LRRC49: variants seen among roughly 807,000 people sequenced by gnomAD.
The protein encoded by LRRC49 is leucine rich repeat containing 49.
Under a neutral mutation model 83.3 loss-of-function variants are expected in LRRC49, and 50 were observed. The observed-to-expected ratio is 0.60, with a 90% confidence interval of 0.48 to 0.76. The LOEUF (loss-of-function observed/expected upper bound fraction) is 0.76. Ranked by LOEUF, LRRC49 falls within the 30% of genes least tolerant of loss-of-function variation. LRRC49 has a pLI of 0.00. For missense variants in LRRC49, 704 were observed against 809.1 expected (o/e 0.87, Z 1.58); for synonymous variants, 286 against 283.3 (o/e 1.01, Z -0.10).
intron 15 of LRRC49, among the ~76,000 whole-genome samples, chr15:71,041,921 G>A (rs1412630575): frequency 6.6e-6 from 1 of 152,158 alleles, no homozygotes; most frequent in Non-Finnish European, 1.5e-5. Flanking sequence ...AAATGATACT[G>A]AGGAAATGGG....
chr15:70,932,828 C>G (rs1263323821), intron 7 of LRRC49, among the ~76,000 whole-genome samples: 2 of 144,736 alleles, frequency 1.4e-5, no homozygotes, highest in African/African-American at 5.1e-5. Flanking sequence ...CTCCCTCGTT[C>G]AAACAATTCT....
intron 14 of LRRC49, among the ~76,000 whole-genome samples, chr15:71,028,781 AGTG>A (rs1479304892): frequency 1.3e-5 from 2 of 152,070 alleles, no homozygotes; most frequent in African/African-American, 4.8e-5. Flanking sequence ...CTGTGGGATC[AGTG>A]GTGAACTCCC....
upstream of LRRC49, among the ~76,000 whole-genome samples, chr15:70,891,565 CTCTG>C (rs1186794688): frequency 7.6e-5 from 9 of 118,954 alleles, no homozygotes; most frequent in South Asian, 6.0e-4. Flanking sequence ...CAGGACAAGA[CTCTG>C]TGTGTGTGTG....
At chr15:71,027,578 T>G (rs576664665) in intron 14 of LRRC49, among the ~76,000 whole-genome samples, 36 of 152,364 alleles carry the variant, frequency 2.4e-4, no homozygotes, top group African/African-American at 8.7e-4. Context: ...TCCATGAGCA[T>G]GGAATATTTT....
intron 3 of LRRC49, among the ~76,000 whole-genome samples, 180 bp from the exon 4 acceptor site, chr15:70,900,742 G>C (rs2034037707): frequency 6.6e-6 from 1 of 152,144 alleles, no homozygotes. Context: ...CATAGTTTAG[G>C]TTTAAGAAGG....
chr15:70,891,945 C>T, upstream of LRRC49: 4 of 1,613,678 alleles, frequency 2.5e-6, no homozygotes, highest in Non-Finnish European at 3.4e-6. Context: ...CCTCGCGTGT[C>T]CAGGCGGCCT....
At chr15:71,042,687 G>C (rs947411952) in intron 15 of LRRC49, among the ~76,000 whole-genome samples, 5 of 152,138 alleles carry the variant, frequency 3.3e-5, no homozygotes, top group African/African-American at 1.2e-4. Context: ...TCACAAATCA[G>C]GTTAAGCAGA....
intron 2 of LRRC49, among the ~76,000 whole-genome samples, chr15:70,875,261 A>G (rs1011569509): frequency 6.6e-6 from 1 of 152,208 alleles, no homozygotes; most frequent in African/African-American, 2.4e-5. Context: ...ATGAACTTAG[A>G]AAACATCCAG....
At chr15:71,016,703 A>G (rs538809898) in intron 14 of LRRC49, among the ~76,000 whole-genome samples, 50 of 152,242 alleles carry the variant, frequency 3.3e-4, no homozygotes, top group Middle Eastern at 3.4e-3. Flanking sequence ...CATACCAATA[A>G]TAAGCTGTTG....
rs1024534514 is a variant in LRRC49 at position 71,052,314 on chromosome 15, C to T, written c.*2702C>T. On this transcript the variant is annotated 3_prime_UTR_variant, in exon 16 of 16. Coordinates refer to ENST00000260382, the MANE Select transcript of LRRC49 (RefSeq NM_017691.5). The stretch of plus-strand genomic sequence containing the variant: ...CGCAGAAACACTATTGCATTTGCCT[C>T]AAAAGCAGAAACATTTAGTACCCCC... The T allele has an allele frequency of 2.0e-5, 3 of 152,194 alleles. No individual in the cohort carries two copies. The highest frequency in any genetic ancestry group is 4.4e-5 in the Non-Finnish European group (3 of 68,050). The allele number at this position is 152,194 out of a possible 1,614,324, so 9.4% of individuals were successfully genotyped here.
chr15:71,009,275 A>C (rs935279426), intron 12 of LRRC49, among the ~76,000 whole-genome samples: 2 of 151,892 alleles, frequency 1.3e-5, no homozygotes, highest in African/African-American at 4.8e-5. Context: ...ATCTAGATTC[A>C]CAGACAGAAT....
chr15:71,020,662 T>C (rs1165475233), intron 14 of LRRC49, among the ~76,000 whole-genome samples: 1 of 152,184 alleles, frequency 6.6e-6, no homozygotes, highest in African/African-American at 2.4e-5. Context: ...GGATAATGAA[T>C]GATATGTTCA....
chr15:70,944,377 A>G (rs942243796), intron 8 of LRRC49, among the ~76,000 whole-genome samples: 3 of 152,148 alleles, frequency 2.0e-5, no homozygotes, highest in Non-Finnish European at 4.4e-5. Context: ...GTAAACACAT[A>G]GTTCTTAGAG....
intron 11 of LRRC49, among the ~76,000 whole-genome samples, chr15:70,988,905 T>C (rs1452165550): frequency 6.6e-6 from 1 of 152,224 alleles, no homozygotes; most frequent in East Asian, 1.9e-4. Flanking sequence ...AAGCTTAGTT[T>C]GGCTGTATAT....
chr15:70,873,258 T>C lies in LRRC49; in HGVS notation c.18+35T>C. The C allele has an allele frequency of 4.6e-6, 7 of 1,531,554 alleles. 1 individual carries two copies. Among genetic ancestry groups the C allele is most frequent in the South Asian group, 3.6e-5 (3 of 83,960 alleles). 94.9% of individuals were successfully genotyped at this position (1,531,554 alleles called of 1,614,324 possible). ...CACTTTCAGTTGACATAATTTTGTA[T>C]AACAATTATACTCTGCTATCCCCTC... On this transcript the variant is annotated intron_variant, in intron 2 of 16. Transcript: ENST00000544974.
At chr15:70,959,807 A>C (rs1475403370) in intron 8 of LRRC49, among the ~76,000 whole-genome samples, 2 of 152,160 alleles carry the variant, frequency 1.3e-5, no homozygotes, top group African/African-American at 2.4e-5. Context: ...AAGTTAGAGG[A>C]GTCACACTAA....
chr15:70,924,858 A>G (rs1304577814), intron 7 of LRRC49, among the ~76,000 whole-genome samples: 1 of 151,826 alleles, frequency 6.6e-6, no homozygotes, highest in Non-Finnish European at 1.5e-5. Flanking sequence ...TTTTTCCCAG[A>G]CGTTTGAATA....
rs1555439425 is a variant in LRRC49 at position 71,002,939 on chromosome 15, C to CCT, written c.1170-5440_1170-5439insCT. 1.9e-4 allele frequency among the ~76,000 whole-genome samples: 8 copies of CCT among 43,036 alleles called. No individual in the cohort carries two copies. In the East Asian group the frequency reaches 6.2e-3, roughly 33 times the overall value. 28.2% of individuals were successfully genotyped at this position (43,036 alleles called of 152,430 possible). Reference sequence around the variant, plus strand: ...GAAAAGGCATAGGATATTTTCTGGCCTTTTTTTTTTTTTTTTTTTTTTTTT... The same window carrying CCT: ...GAAAAGGCATAGGATATTTTCTGGCCCTTTTTTTTTTTTTTTTTTTTTTTTTT... On this transcript the variant is annotated intron_variant, in intron 11 of 15. Coordinates refer to ENST00000260382, the MANE Select transcript of LRRC49 (RefSeq NM_017691.5).
At chr15:70,903,832 T>G (rs1006927671) in intron 4 of LRRC49, among the ~76,000 whole-genome samples, 1 of 152,190 alleles carries the variant, frequency 6.6e-6, no homozygotes, top group Non-Finnish European at 1.5e-5. Flanking sequence ...TGTTACAACA[T>G]TTTGCATAAT....
Sources: allele counts gnomAD v4.1 joint callset (sites outside exome capture counted in the v4.1 genomes callset), GRCh38; gene constraint gnomAD v4.1.1; transcripts MANE v1.5; gene names NCBI Gene and HGNC (gene_info 2026-07-23, HGNC 2026-07-21).